The following COMT variants were observed in gnomAD, a reference collection of about 807,000 sequenced individuals.
The protein encoded by COMT is catechol O-methyltransferase.
Under a neutral mutation model 18.9 loss-of-function variants are expected in COMT, and 13 were observed. The observed-to-expected ratio is 0.69, with a 90% CI of 0.45 to 1.09. The LOEUF is 1.09. Ranked by LOEUF, COMT falls within the 50% of genes least tolerant of loss-of-function variation. COMT has a pLI of 0.00. For synonymous variants in COMT, 150 were observed against 160.9 expected, an observed-to-expected ratio of 0.93 and a Z score of 0.51; for missense variants, 329 against 361.8, an observed-to-expected ratio of 0.91 and a Z score of 0.73.
At chr22:19,950,261 T>TTTTTTG (rs763598655) in intron 1 of COMT, among the ~76,000 whole-genome samples, 8 of 132,796 alleles carry the variant, frequency 6.0e-5, no homozygotes, top group Non-Finnish European at 9.9e-5. Context: ...TTTTTTTTTT[T>TTTTTTG]TTCTGTAGAG....
At chr22:19,943,112 C>T (rs1274918853) in intron 1 of COMT, among the ~76,000 whole-genome samples, 2 of 152,154 alleles carry the variant, frequency 1.3e-5, no homozygotes, top group African/African-American at 4.8e-5. Flanking sequence ...CTAGATAGGC[C>T]AGGGTGAGGC....
chr22:19,944,910 C>T (rs1407296724), intron 1 of COMT, among the ~76,000 whole-genome samples: 2 of 152,186 alleles, frequency 1.3e-5, no homozygotes, highest in African/African-American at 4.8e-5. Context: ...TTATATTTCT[C>T]CACTGAAGCA....
intron 3 of COMT, 63 bp from the exon 4 acceptor site, chr22:19,963,503 G>C: frequency 6.3e-7 from 1 of 1,579,952 alleles, no homozygotes; most frequent in Non-Finnish European, 8.6e-7. Flanking sequence ...GGCCGTGCCT[G>C]GGGATCCAAG....
intron 1 of COMT, among the ~76,000 whole-genome samples, chr22:19,942,186 C>T (rs1242500412): frequency 2.0e-5 from 3 of 152,164 alleles, no homozygotes; most frequent in South Asian, 2.1e-4. Flanking sequence ...GTGAGAGATC[C>T]CGCTTCAAGA....
At chr22:19,941,918 G>T in intron 1 of COMT, 21 bp downstream of exon 1, 1 of 1,121,870 alleles carries the variant, frequency 8.9e-7, no homozygotes, top group Non-Finnish European at 1.2e-6. Context: ...TGGCTAGACC[G>T]GGGCCGAATG....
intron 1 of COMT, among the ~76,000 whole-genome samples, chr22:19,954,846 G>C (rs1489018472): frequency 6.6e-6 from 1 of 152,186 alleles, no homozygotes; most frequent in African/African-American, 2.4e-5. Flanking sequence ...CCTCTTCTCA[G>C]GTGTCACCGG....
At chr22:19,956,129 CTTTTTTTCTTTTTTTT>C (rs1942053646) in intron 1 of COMT, among the ~76,000 whole-genome samples, 1 of 81,250 alleles carries the variant, frequency 1.2e-5, no homozygotes, top group South Asian at 4.0e-4. Context: ...TCTTTTTTTT[CTTTTTTTCTTTTTTTT>C]TTTTTTTTTT....
chr22:19,945,313 C>G (rs1055884359), intron 1 of COMT, among the ~76,000 whole-genome samples: 7 of 152,200 alleles, frequency 4.6e-5, no homozygotes, highest in African/African-American at 1.7e-4. Context: ...AAGCCACATA[C>G]CAGGCCAAAT....
At chr22:19,954,234 C>G (rs1942012081) in intron 1 of COMT, among the ~76,000 whole-genome samples, 1 of 89,948 alleles carries the variant, frequency 1.1e-5, no homozygotes, top group South Asian at 3.8e-4. Context: ...AAAAAAAAGC[C>G]TTCCCCTGAG....
chr22:19,963,995 G>A, intron 4 of COMT, 173 bp from the exon 5 acceptor site: 1 of 1,349,036 alleles, frequency 7.4e-7, no homozygotes, highest in Non-Finnish European at 1.0e-6. Context: ...GGCAGGGACA[G>A]AGTGGGGCCT....
intron 1 of COMT, 108 bp downstream of exon 1, chr22:19,942,005 G>C: frequency 2.2e-6 from 1 of 447,604 alleles, no homozygotes; most frequent in Non-Finnish European, 3.8e-6. Flanking sequence ...GGACCGCTGT[G>C]AAGTGATCTG....
At chr22:19,962,461 A>G in intron 2 of COMT, 66 bp from the exon 3 acceptor site, 1 of 1,548,022 alleles carries the variant, frequency 6.5e-7, no homozygotes, top group Non-Finnish European at 8.7e-7. Flanking sequence ...CACTCCAAGC[A>G]AAGGGGCGTG....
At chr22:19,967,156 T>G in intron 5 of COMT, 1 of 1,302,074 alleles carries the variant, frequency 7.7e-7, no homozygotes, top group Non-Finnish European at 1.0e-6. Context: ...CCTGTTTAAC[T>G]CGTGCAGGTG....
chr22:19,954,908 T>C (rs1388891405), intron 1 of COMT, among the ~76,000 whole-genome samples: 1 of 152,142 alleles, frequency 6.6e-6, no homozygotes, highest in African/African-American at 2.4e-5. Flanking sequence ...GTTGGAGAAA[T>C]GACAGCTTCT....
rs1942581332 is a variant in COMT, at chr22:19,968,772, C to T, written c.*36C>T. The T allele has an allele frequency of 2.5e-6, 4 of 1,586,026 alleles. No individual in the cohort carries two copies. The South Asian group carries it at 4.5e-5, about 18-fold the overall frequency. ...GGCCCCCCTCTCGGGCTCTCTCACC[C>T]AGCCTGGTACTGAAGGTGCCAGACG... is the stretch of plus-strand genomic sequence containing the variant. On this transcript the variant is annotated 3_prime_UTR_variant, in exon 6 of 6. Transcript: ENST00000361682.
At chr22:19,962,856 A>AC (rs781018433) in intron 3 of COMT, 41 bp downstream of exon 3, 6 of 1,574,864 alleles carry the variant, frequency 3.8e-6, no homozygotes, top group Non-Finnish European at 5.2e-6. Flanking sequence ...TGGGACAGGG[A>AC]CCCAGGACCA....
At chr22:19,953,491 C>T (rs529395933) in intron 1 of COMT, among the ~76,000 whole-genome samples, 8 of 152,272 alleles carry the variant, frequency 5.3e-5, no homozygotes, top group African/African-American at 1.7e-4. Context: ...AACAGAGTTT[C>T]ACCATGTTGG....
intron 1 of COMT, among the ~76,000 whole-genome samples, chr22:19,943,975 G>A (rs776330080): frequency 1.3e-5 from 2 of 152,158 alleles, no homozygotes; most frequent in Non-Finnish European, 2.9e-5. Context: ...ATCTGTTGTG[G>A]TTCTGAGTTC....
intron 5 of COMT, chr22:19,964,919 C>G: frequency 4.8e-6 from 1 of 208,142 alleles, no homozygotes; most frequent in South Asian, 8.7e-5. Context: ...TGGTGGTCAG[C>G]GACACTGAGT....
Sources: gnomAD v4.1 joint callset for allele counts (sites outside exome capture counted in the v4.1 genomes callset) on GRCh38, gnomAD v4.1.1 for gene constraint, MANE v1.5 for transcripts, NCBI Gene and HGNC (gene_info 2026-07-23, HGNC 2026-07-21) for gene names.